Variants in PCDH15 observed in about 807,000 individuals in gnomAD.
The protein encoded by PCDH15 is protocadherin related 15.
In PCDH15, 129 loss-of-function variants were observed where a neutral mutation model predicts 178.5. The ratio of observed to expected loss-of-function variants is 0.72; its 90% confidence interval spans 0.63 to 0.84. The LOEUF (loss-of-function observed/expected upper bound fraction) is 0.84, where lower values mean the gene tolerates loss of function less well. Among genes scored for constraint, PCDH15 ranks in the 40% least tolerant of loss-of-function variants. The pLI, the probability that PCDH15 is intolerant of heterozygous loss-of-function variation, is 0.00. For synonymous variants in PCDH15, 800 were observed against 732.0 expected (o/e 1.09, Z -1.50); for missense variants, 2,230 against 2,099.9 (o/e 1.06, Z -1.21).
At chr10:55,481,677 G>C (rs1265411314) in intron 2 of PCDH15, among the ~76,000 whole-genome samples, 1 of 151,754 alleles carries the variant, frequency 6.6e-6, no homozygotes, top group African/African-American at 2.4e-5. Flanking sequence ...GTTTTAATAT[G>C]ATTCTTTTGT....
chr10:55,065,777 G>T (rs1223012867), intron 2 of PCDH15, among the ~76,000 whole-genome samples: 1 of 152,022 alleles, frequency 6.6e-6, no homozygotes, highest in Non-Finnish European at 1.5e-5. Flanking sequence ...TATGCTGTTT[G>T]TTTAGTTTTC....
intron 15 of PCDH15, among the ~76,000 whole-genome samples, chr10:54,107,245 C>A (rs2094932100): frequency 6.6e-6 from 1 of 152,168 alleles, no homozygotes; most frequent in African/African-American, 2.4e-5. Flanking sequence ...CAAAGTATGG[C>A]TTGAAAATCT....
chr10:54,150,900 G>C (rs761589086), intron 14 of PCDH15, among the ~76,000 whole-genome samples: 14 of 151,328 alleles, frequency 9.3e-5, no homozygotes, highest in Non-Finnish European at 1.9e-4. Flanking sequence ...CTTATTTCAA[G>C]AGAAAAAAAT....
chr10:54,052,281 G>A (rs569076365), intron 18 of PCDH15, among the ~76,000 whole-genome samples: 16 of 152,224 alleles, frequency 1.1e-4, no homozygotes, highest in African/African-American at 2.4e-4. Context: ...TAGAAAAGCC[G>A]CAGGCACTCA....
chr10:54,199,553 T>G (rs117915975), intron 10 of PCDH15, among the ~76,000 whole-genome samples: 3,585 of 113,702 alleles, frequency 0.032, 54 homozygotes, highest in Middle Eastern at 0.11. Context: ...AATGTTGAAT[T>G]TAAACAACAA....
At position 54,147,043 on chromosome 10, in the gene PCDH15, T is replaced by C. The variant is rs2076328756; in HGVS notation, c.1784+6057A>G. ...TGTATATATACAAATATATAATATATATATTTGTTCATAATCTTTAAATAT... is the reference window on the plus strand; with the variant it reads ...TGTATATATACAAATATATAATATACATATTTGTTCATAATCTTTAAATAT... On this transcript the variant is annotated intron_variant, in intron 14 of 37. Coordinates refer to ENST00000644397, the MANE Select transcript of PCDH15 (RefSeq NM_001384140.1). Among the ~76,000 whole-genome samples, 12 of 146,622 alleles carry C rather than the reference T, an allele frequency of 8.2e-5. No homozygotes were observed. The Admixed American group carries it at 8.3e-4, about 10-fold the overall frequency.
At chr10:55,027,261 G>A (rs899167760) in intron 2 of PCDH15, among the ~76,000 whole-genome samples, 1 of 151,806 alleles carries the variant, frequency 6.6e-6, no homozygotes, top group African/African-American at 2.4e-5. Flanking sequence ...GAACTAGTTG[G>A]CAATCAAAAT....
intron 20 of PCDH15, among the ~76,000 whole-genome samples, chr10:54,008,645 G>A (rs1239622605): frequency 6.6e-6 from 1 of 152,158 alleles, no homozygotes; most frequent in Non-Finnish European, 1.5e-5. Flanking sequence ...ACCCTCATCA[G>A]AGAAAAGGCC....
intron 2 of PCDH15, among the ~76,000 whole-genome samples, chr10:55,544,964 A>T (rs1434698035): frequency 6.6e-6 from 1 of 152,154 alleles, no homozygotes; most frequent in Non-Finnish European, 1.5e-5. Flanking sequence ...GGAACCAGAA[A>T]ACTTAACAGG....
chr10:54,533,299 G>C (rs1368078458), intron 2 of PCDH15, among the ~76,000 whole-genome samples: 3 of 152,088 alleles, frequency 2.0e-5, no homozygotes, highest in Non-Finnish European at 4.4e-5. Context: ...AAGACTTACT[G>C]TAATGAGGAA....
At chr10:54,893,580 A>T (rs1241796739) in intron 3 of PCDH15, among the ~76,000 whole-genome samples, 2 of 152,076 alleles carry the variant, frequency 1.3e-5, no homozygotes, top group Non-Finnish European at 2.9e-5. Flanking sequence ...CATTTCCATG[A>T]GAAAGCATAT....
chr10:54,577,091 CTTT>C (rs11318408), intron 2 of PCDH15, among the ~76,000 whole-genome samples: 1 of 146,194 alleles, frequency 6.8e-6, no homozygotes. Flanking sequence ...ATTTTAATTT[CTTT>C]TTTTTTTTTG....
chr10:54,118,128 C>G (rs997029794), intron 15 of PCDH15, among the ~76,000 whole-genome samples: 2 of 152,176 alleles, frequency 1.3e-5, no homozygotes, highest in African/African-American at 4.8e-5. Flanking sequence ...ATCACACTAC[C>G]TGCATTCAAA....
chr10:54,033,307 C>T (rs1283648478), intron 18 of PCDH15, among the ~76,000 whole-genome samples: 1 of 151,742 alleles, frequency 6.6e-6, no homozygotes. Flanking sequence ...TAATAGAACC[C>T]TTATAAATTT....
At chr10:55,068,729 T>C (rs971387921) in intron 2 of PCDH15, among the ~76,000 whole-genome samples, 12 of 152,020 alleles carry the variant, frequency 7.9e-5, no homozygotes, top group African/African-American at 2.4e-4. Flanking sequence ...ACCTTGGATG[T>C]CTCTCCATTT....
chr10:55,001,076 C>T (rs1188382527), intron 2 of PCDH15, among the ~76,000 whole-genome samples: 1 of 152,048 alleles, frequency 6.6e-6, no homozygotes, highest in African/African-American at 2.4e-5. Context: ...CCTCTCCTCT[C>T]TTCTGAGAGC....
chr10:54,869,501 G>T (rs1040515013), intron 3 of PCDH15, among the ~76,000 whole-genome samples: 1 of 152,194 alleles, frequency 6.6e-6, no homozygotes, highest in Non-Finnish European at 1.5e-5. Context: ...TGTATGTAGA[G>T]AATAGGGGTT....
At chr10:53,849,860 CAAA>C (rs58458871) in intron 28 of PCDH15, among the ~76,000 whole-genome samples, 68 of 52,716 alleles carry the variant, frequency 1.3e-3, no homozygotes, top group African/African-American at 3.2e-3. Context: ...GGCTCCGTCT[CAAA>C]AAAAAAAAAA....
chr10:55,580,343 A>AT (rs1197254318), intron 2 of PCDH15, among the ~76,000 whole-genome samples: 3 of 145,250 alleles, frequency 2.1e-5, no homozygotes, highest in Non-Finnish European at 4.5e-5. Context: ...TGGCTTCTTC[A>AT]TTTTTTTTAT....
Sources: allele counts gnomAD v4.1 joint callset (sites outside exome capture counted in the v4.1 genomes callset), GRCh38; gene constraint gnomAD v4.1.1; transcripts MANE v1.5; gene names NCBI Gene and HGNC (gene_info 2026-07-23, HGNC 2026-07-21).